ADAMTS12: variants seen among roughly 807,000 people sequenced by gnomAD.
ADAMTS12 encodes A disintegrin and metalloproteinase with thrombospondin motifs 12.
A neutral mutation model predicts 167.8 loss-of-function variants in ADAMTS12; 118 were observed. That is an observed-to-expected ratio of 0.70 (90% CI 0.61 to 0.82). The LOEUF (loss-of-function observed/expected upper bound fraction) is 0.82, where lower values mean the gene tolerates loss of function less well. Ranked by LOEUF, ADAMTS12 falls within the 40% of genes least tolerant of loss-of-function variation. The probability of loss-of-function intolerance (pLI) is 0.00; values close to 1 mark genes in which losing one functional copy is unlikely to be tolerated. For synonymous variants in ADAMTS12, 704 were observed against 716.9 expected (o/e 0.98, Z 0.29); for missense variants, 1,916 against 1,998.8 (o/e 0.96, Z 0.79).
intron 2 of ADAMTS12, among the ~76,000 whole-genome samples, chr5:33,796,528 ACTTCT>A (rs897046143): frequency 2.0e-5 from 3 of 152,194 alleles, no homozygotes; most frequent in African/African-American, 7.2e-5. Context: ...GACATCCAGA[ACTTCT>A]CTTCTTATAG....
At chr5:33,791,618 G>C (rs1377088982) in intron 2 of ADAMTS12, among the ~76,000 whole-genome samples, 2 of 152,086 alleles carry the variant, frequency 1.3e-5, no homozygotes, top group African/African-American at 4.8e-5. Flanking sequence ...CACTTTAATG[G>C]AAATTCTCTA....
chr5:33,683,173 C>T, intron 4 of ADAMTS12, 72 bp from the exon 5 acceptor site: 1 of 1,166,826 alleles, frequency 8.6e-7, no homozygotes, highest in Non-Finnish European at 1.2e-6. Flanking sequence ...AAGAAAATAG[C>T]ATTGTAATGC....
At chr5:33,571,592 A>G (rs1746351852) in intron 19 of ADAMTS12, among the ~76,000 whole-genome samples, 1 of 152,108 alleles carries the variant, frequency 6.6e-6, no homozygotes, top group Non-Finnish European at 1.5e-5. Context: ...GACACATTTC[A>G]AAGCAGCGTG....
intron 2 of ADAMTS12, among the ~76,000 whole-genome samples, chr5:33,853,446 C>G (rs1185223366): frequency 6.6e-6 from 1 of 152,156 alleles, no homozygotes; most frequent in Non-Finnish European, 1.5e-5. Context: ...TAAGAGCTAT[C>G]CATGCCAAAG....
intron 12 of ADAMTS12, among the ~76,000 whole-genome samples, chr5:33,637,339 A>T (rs1291540019): frequency 6.6e-6 from 1 of 152,182 alleles, no homozygotes; most frequent in East Asian, 1.9e-4. Flanking sequence ...GCAAGTCACC[A>T]TGTTTTATAA....
chr5:33,720,284 T>TCACACACACACA (rs3071626), intron 3 of ADAMTS12, among the ~76,000 whole-genome samples: 1,487 of 147,876 alleles, frequency 0.01, 19 homozygotes, highest in South Asian at 0.019. Context: ...TCTCTCTCAC[T>TCACACACACACA]CACACACACA....
intron 1 of ADAMTS12, among the ~76,000 whole-genome samples, chr5:33,886,310 A>G (rs868468827): frequency 2.0e-5 from 3 of 152,248 alleles, no homozygotes; most frequent in Admixed American, 1.3e-4. Context: ...TAAGTGTTTC[A>G]TGAGCACTTG....
chr5:33,553,358 T>C (rs1745341814), intron 20 of ADAMTS12, among the ~76,000 whole-genome samples: 1 of 152,242 alleles, frequency 6.6e-6, no homozygotes, highest in Non-Finnish European at 1.5e-5. Context: ...GCAGTCCCAT[T>C]ACTGGGTATA....
chr5:33,634,641 C>T (rs1294345160), intron 12 of ADAMTS12, among the ~76,000 whole-genome samples: 1 of 152,024 alleles, frequency 6.6e-6, no homozygotes, highest in Non-Finnish European at 1.5e-5. Flanking sequence ...GAGTTTGAAA[C>T]CTTTGGCTAG....
At chr5:33,828,542 A>C (rs944876050) in intron 2 of ADAMTS12, among the ~76,000 whole-genome samples, 2 of 152,166 alleles carry the variant, frequency 1.3e-5, no homozygotes, top group Admixed American at 6.6e-5. Context: ...TTTATTAAGA[A>C]ATATGTTCCT....
intron 3 of ADAMTS12, among the ~76,000 whole-genome samples, chr5:33,695,216 T>G (rs1367265941): frequency 6.6e-6 from 1 of 152,234 alleles, no homozygotes; most frequent in Non-Finnish European, 1.5e-5. Flanking sequence ...TAATTCTGAT[T>G]AGGGAGAGCC....
intron 21 of ADAMTS12, among the ~76,000 whole-genome samples, chr5:33,546,967 A>G (rs1456364973): frequency 6.6e-6 from 1 of 152,232 alleles, no homozygotes; most frequent in African/African-American, 2.4e-5. Flanking sequence ...ATCAGGTAGT[A>G]TGTGTGTGGT....
At chr5:33,874,595 GT>G (rs780428473) in intron 2 of ADAMTS12, among the ~76,000 whole-genome samples, 8 of 152,306 alleles carry the variant, frequency 5.3e-5, no homozygotes, top group Non-Finnish European at 1.0e-4. Context: ...ACCTAAATGA[GT>G]TGAAAACTCT....
At chr5:33,660,497 A>G (rs374634820) in intron 6 of ADAMTS12, among the ~76,000 whole-genome samples, 52 of 152,332 alleles carry the variant, frequency 3.4e-4, no homozygotes, top group African/African-American at 1.2e-3. Context: ...CATGTAAGCT[A>G]TCATTAACTC....
rs151262185 is a variant in ADAMTS12 at position 33,576,963 on chromosome 5, G to A, written c.3063C>T (p.Pro1021=). The A allele has an allele frequency of 1.8e-4, 295 of 1,614,148 alleles. 1 individual carries two copies. In the African/African-American group the frequency reaches 3.3e-3, roughly 18 times the overall value. Reference sequence around the variant, plus strand: ...TGGGCCTGGATGTAGGTGGAGGGACGGGCTTTAGTGTTGGTGGGTTTTTTC... The same window carrying A: ...TGGGCCTGGATGTAGGTGGAGGGACAGGCTTTAGTGTTGGTGGGTTTTTTC... The part of the protein sequence containing the change: ...SNGKNPPTLK[P]VPPPTSRPRM... The change falls in exon 19 of 24, where the codon CCC becomes CCT. Residue 1021 remains proline (P), a synonymous_variant. Coordinates refer to ENST00000504830, the MANE Select transcript of ADAMTS12 (RefSeq NM_030955.4).
At chr5:33,679,722 A>G (rs569982019) in intron 5 of ADAMTS12, among the ~76,000 whole-genome samples, 2 of 152,214 alleles carry the variant, frequency 1.3e-5, no homozygotes, top group Non-Finnish European at 2.9e-5. Flanking sequence ...CAGTAGACTC[A>G]AAGTTCCTCA....
chr5:33,686,384 C>G (rs1450014904), intron 3 of ADAMTS12, among the ~76,000 whole-genome samples: 2 of 152,182 alleles, frequency 1.3e-5, no homozygotes, highest in African/African-American at 4.8e-5. Context: ...CCGTTAGGTG[C>G]TAGCAGGAAG....
Position 33,683,957 on chromosome 5 carries a change from C to G in ADAMTS12, c.733G>C (p.Glu245Gln). 1 of 1,612,914 alleles carries G rather than the reference C, an allele frequency of 6.2e-7. No homozygotes were observed. The highest frequency in any genetic ancestry group is 8.5e-7 in the Non-Finnish European group (1 of 1,179,564). ...RSLSRRSISK[E>Q]RWVETLVVAD... ...ACCACCAGTGTCTCCACCCATCTCT[C>G]CTTGCTGATGGAACGCCGAGAGAGG... The change falls in exon 4 of 24, where the codon GAG (glutamate) becomes CAG (glutamine). Residue 245 changes from glutamate to glutamine, a missense_variant. Coordinates refer to ENST00000504830, the MANE Select transcript of ADAMTS12 (RefSeq NM_030955.4).
At chr5:33,769,035 G>C (rs1745645730) in intron 2 of ADAMTS12, among the ~76,000 whole-genome samples, 9 of 151,638 alleles carry the variant, frequency 5.9e-5, no homozygotes, top group Admixed American at 5.9e-4. Flanking sequence ...GTGGGCCTGA[G>C]TTAATCAAAA....
Sources: allele counts gnomAD v4.1 joint callset (sites outside exome capture counted in the v4.1 genomes callset), GRCh38; gene constraint gnomAD v4.1.1; transcripts MANE v1.5; gene names NCBI Gene and HGNC (gene_info 2026-07-23, HGNC 2026-07-21).